Variants in FHIT observed in about 807,000 individuals in gnomAD.
FHIT encodes the protein bis(5'-adenosyl)-triphosphatase.
Under a neutral mutation model 17.9 loss-of-function variants are expected in FHIT, and 19 were observed. The observed-to-expected ratio is 1.06, with a 90% CI of 0.74 to 1.56. The LOEUF (loss-of-function observed/expected upper bound fraction) is 1.56, where lower values mean the gene tolerates loss of function less well. Ranked by LOEUF, FHIT falls within the 40% of genes most tolerant of loss-of-function variation. The probability of loss-of-function intolerance (pLI) is 0.00; values close to 1 mark genes in which losing one functional copy is unlikely to be tolerated. For synonymous variants in FHIT, 81 were observed against 69.7 expected (o/e 1.16, Z -0.81); for missense variants, 248 against 189.2 (o/e 1.31, Z -1.82).
intron 3 of FHIT, among the ~76,000 whole-genome samples, chr3:61,037,148 T>C (rs1321554797): frequency 6.6e-6 from 1 of 152,144 alleles, no homozygotes; most frequent in Non-Finnish European, 1.5e-5. Flanking sequence ...CCTGACCTCG[T>C]GATCCATCCG....
At position 60,275,137 on chromosome 3, in the gene FHIT, G is replaced by A. The variant is rs184289860; in HGVS notation, c.104-260985C>T. On this transcript the variant is annotated intron_variant, in intron 5 of 9. Transcript: ENST00000492590. ...AACTAGAAAAATTTTTTGTCCCTTT[G>A]TGAAAATTTTGGAACTAGGCATATT... Among the ~76,000 whole-genome samples the A allele has an allele frequency of 4.0e-3, 597 of 150,554 alleles. 10 individuals carry two copies. The highest frequency in any genetic ancestry group is 2.8e-3 in the Non-Finnish European group (191 of 67,766).
intron 5 of FHIT, among the ~76,000 whole-genome samples, chr3:60,516,861 A>G (rs2035179397): frequency 6.6e-6 from 1 of 152,212 alleles, no homozygotes; most frequent in African/African-American, 2.4e-5. Context: ...CACCCATGTT[A>G]TAATAGGGAT....
intron 5 of FHIT, among the ~76,000 whole-genome samples, chr3:60,114,937 G>A (rs531648620): frequency 6.6e-6 from 1 of 152,250 alleles, no homozygotes; most frequent in Admixed American, 6.5e-5. Context: ...ATAAAAGTTG[G>A]CAAGGCAGAT....
At position 61,200,956 on chromosome 3, in the gene FHIT, G is replaced by T. The variant is rs147372944; in HGVS notation, c.-212-291C>A. Among the ~76,000 whole-genome samples the T allele has an allele frequency of 1.1e-4, 16 of 152,004 alleles. No individual in the cohort carries two copies. In the East Asian group the frequency reaches 3.1e-3, roughly 30 times the overall value. Reference sequence around the variant, plus strand: ...CTCAACAGAATGGGAACGGCTTATAGCGAGATGAAAATCAAATTAAACATG... The same window carrying T: ...CTCAACAGAATGGGAACGGCTTATATCGAGATGAAAATCAAATTAAACATG... On this transcript the variant is annotated intron_variant, in intron 1 of 9. Coordinates refer to ENST00000492590, the MANE Select transcript of FHIT (RefSeq NM_002012.4).
chr3:59,776,403 A>C (rs1702317712), intron 8 of FHIT, among the ~76,000 whole-genome samples: 1 of 152,216 alleles, frequency 6.6e-6, no homozygotes, highest in Non-Finnish European at 1.5e-5. Context: ...AAAAAGTGGC[A>C]AGACAGGCCC....
intron 5 of FHIT, among the ~76,000 whole-genome samples, chr3:60,263,213 T>C (rs79657546): frequency 0.036 from 5,461 of 152,046 alleles, 110 homozygotes; most frequent in Middle Eastern, 0.1. Context: ...TTGACAAGGA[T>C]TGGCAGCAAT....
chr3:60,368,840 C>A (rs1055657556), intron 5 of FHIT, among the ~76,000 whole-genome samples: 7 of 151,906 alleles, frequency 4.6e-5, no homozygotes, highest in African/African-American at 1.7e-4. Flanking sequence ...CAAAATAGTT[C>A]TTTTTCTTAG....
chr3:60,136,561 T>G (rs552284565), intron 5 of FHIT, among the ~76,000 whole-genome samples: 1 of 152,200 alleles, frequency 6.6e-6, no homozygotes, highest in Non-Finnish European at 1.5e-5. Context: ...GCTGAGCCAC[T>G]ATCCAATTTC....
chr3:60,020,081 T>C (rs549565428), intron 5 of FHIT, among the ~76,000 whole-genome samples: 1 of 152,056 alleles, frequency 6.6e-6, no homozygotes, highest in Non-Finnish European at 1.5e-5. Context: ...CACTGCCTCA[T>C]GAAACACAGA....
chr3:60,316,335 T>C (rs1447067481), intron 5 of FHIT, among the ~76,000 whole-genome samples: 1 of 152,214 alleles, frequency 6.6e-6, no homozygotes, highest in African/African-American at 2.4e-5. Context: ...TCACCTTTTA[T>C]AAACTGCTTT....
intron 5 of FHIT, among the ~76,000 whole-genome samples, chr3:60,530,756 C>A (rs1338908943): frequency 1.3e-5 from 2 of 152,130 alleles, no homozygotes; most frequent in Admixed American, 6.5e-5. Context: ...GTTTGTCTTA[C>A]AATGGGAGTT....
intron 4 of FHIT, among the ~76,000 whole-genome samples, chr3:60,569,579 T>C (rs1040958536): frequency 6.6e-6 from 1 of 151,564 alleles, no homozygotes; most frequent in African/African-American, 2.4e-5. Flanking sequence ...AGCTCTAGTG[T>C]CAGAACGCCT....
chr3:60,834,894 A>AC (rs1285261690), intron 3 of FHIT, among the ~76,000 whole-genome samples: 3 of 151,852 alleles, frequency 2.0e-5, no homozygotes, highest in African/African-American at 7.2e-5. Context: ...AAAAAAAAAA[A>AC]AAAACTCTTT....
chr3:60,518,992 G>A lies in FHIT; in HGVS notation c.103+17868C>T, dbSNP rs79965607. Among the ~76,000 whole-genome samples, 1,148 of 152,286 alleles carry A rather than the reference G, an allele frequency of 7.5e-3. 15 individuals carry two copies. Among genetic ancestry groups the A allele is most frequent in the African/African-American group, 0.025 (1,055 of 41,556 alleles). The stretch of plus-strand genomic sequence containing the variant: ...TGCACTCTAGCCTGGACAACAGAGT[G>A]AGACTGTCTAAAAAACAATTATTTT... On this transcript the variant is annotated intron_variant, in intron 5 of 9. Coordinates refer to ENST00000492590, the MANE Select transcript of FHIT (RefSeq NM_002012.4).
chr3:60,742,191 G>A (rs1553714045), intron 4 of FHIT, among the ~76,000 whole-genome samples: 1 of 152,130 alleles, frequency 6.6e-6, no homozygotes, highest in African/African-American at 2.4e-5. Flanking sequence ...CTTAAATGAT[G>A]CCTCAGTAAG....
chr3:60,562,879 T>C (rs997332579), intron 4 of FHIT, among the ~76,000 whole-genome samples: 5 of 152,132 alleles, frequency 3.3e-5, no homozygotes, highest in Non-Finnish European at 5.9e-5. Context: ...GACCCAGGCA[T>C]AGACAAGGGC....
intron 8 of FHIT, among the ~76,000 whole-genome samples, chr3:59,758,744 A>C (rs1432489743): frequency 6.6e-6 from 1 of 152,180 alleles, no homozygotes; most frequent in Non-Finnish European, 1.5e-5. Flanking sequence ...ATTTAAGTTA[A>C]ACATAAAAGA....
chr3:59,754,019 T>TATCA (rs1350106197), intron 8 of FHIT, among the ~76,000 whole-genome samples: 1 of 152,174 alleles, frequency 6.6e-6, no homozygotes, highest in African/African-American at 2.4e-5. Flanking sequence ...GCAAAAAGTC[T>TATCA]ATCAACTAAT....
chr3:60,902,399 G>C (rs1360459423), intron 3 of FHIT, among the ~76,000 whole-genome samples: 1 of 152,106 alleles, frequency 6.6e-6, no homozygotes, highest in Non-Finnish European at 1.5e-5. Context: ...CATGGTAATA[G>C]GATTTGGATT....
Sources: allele counts gnomAD v4.1 joint callset (sites outside exome capture counted in the v4.1 genomes callset), GRCh38; gene constraint gnomAD v4.1.1; transcripts MANE v1.5; gene names NCBI Gene and HGNC (gene_info 2026-07-23, HGNC 2026-07-21).